ABCB1: variants seen among roughly 807,000 people sequenced by gnomAD.
The protein encoded by ABCB1 is ATP binding cassette subfamily B member 1.
Under a neutral mutation model 142.0 loss-of-function variants are expected in ABCB1, and 69 were observed. The observed-to-expected ratio is 0.49, with a 90% confidence interval of 0.40 to 0.59. The LOEUF is 0.59. Among genes scored for constraint, ABCB1 ranks in the 20% least tolerant of loss-of-function variants. The probability of loss-of-function intolerance (pLI) is 0.00; values close to 1 mark genes in which losing one functional copy is unlikely to be tolerated. For missense variants in ABCB1, 1,326 were observed against 1,554.7 expected, an observed-to-expected ratio of 0.85 and a Z score of 2.47; for synonymous variants, 532 against 539.2, an observed-to-expected ratio of 0.99 and a Z score of 0.18.
At chr7:87,622,830 T>C (rs996241055) in intron 1 of ABCB1, among the ~76,000 whole-genome samples, 1 of 152,112 alleles carries the variant, frequency 6.6e-6, no homozygotes, top group African/African-American at 2.4e-5. Flanking sequence ...CGGGAGTTCA[T>C]GAGCAATCTG....
intron 1 of ABCB1, among the ~76,000 whole-genome samples, chr7:87,639,372 A>G (rs565228460): frequency 1.3e-5 from 2 of 152,232 alleles, no homozygotes; most frequent in Admixed American, 1.3e-4. Flanking sequence ...GTATTCTGTC[A>G]TTGTTGATTG....
At position 87,679,924 on chromosome 7, in the gene ABCB1, A is replaced by G. The variant is rs567451687; in HGVS notation, c.-331+33237T>C. On this transcript the variant is annotated intron_variant, in intron 1 of 28. Transcript: ENST00000265724. Reference sequence around the variant, plus strand: ...CAAATGTTTGAAAATGTAAAAATACACTTTTTTAAACAAATTATACTTTAC... The same window carrying G: ...CAAATGTTTGAAAATGTAAAAATACGCTTTTTTAAACAAATTATACTTTAC... Among the ~76,000 whole-genome samples, 4 of 150,634 alleles carry G rather than the reference A, an allele frequency of 2.7e-5. No individual in the cohort carries two copies. In the South Asian group the frequency reaches 8.4e-4, roughly 31 times the overall value.
chr7:87,537,927 A>C (rs1816366847), intron 19 of ABCB1, among the ~76,000 whole-genome samples: 3 of 152,170 alleles, frequency 2.0e-5, no homozygotes, highest in Admixed American at 2.0e-4. Flanking sequence ...ATTTTTCCCA[A>C]AAATATTTAA....
At chr7:87,555,280 C>T (rs572567099) in intron 8 of ABCB1, among the ~76,000 whole-genome samples, 5 of 152,132 alleles carry the variant, frequency 3.3e-5, no homozygotes, top group Admixed American at 6.5e-5. Context: ...CCTGCAGAAC[C>T]TAGAGCATTG....
chr7:87,699,645 A>T (rs1828837298), intron 1 of ABCB1, among the ~76,000 whole-genome samples: 1 of 152,206 alleles, frequency 6.6e-6, no homozygotes. Context: ...GCCTCAGGTG[A>T]TCCACCCACC....
At chr7:87,616,849 G>C (rs1373385515) in intron 1 of ABCB1, among the ~76,000 whole-genome samples, 1 of 152,004 alleles carries the variant, frequency 6.6e-6, no homozygotes, top group African/African-American at 2.4e-5. Context: ...GAGACCAACT[G>C]GTCTCTTCTC....
intron 1 of ABCB1, among the ~76,000 whole-genome samples, chr7:87,661,491 G>A (rs1038322654): frequency 6.7e-6 from 1 of 150,304 alleles, no homozygotes; most frequent in African/African-American, 2.5e-5. Context: ...TTAATTTTTA[G>A]TTCCCACAAA....
chr7:87,572,086 C>T (rs748868823), intron 4 of ABCB1, among the ~76,000 whole-genome samples: 6 of 152,284 alleles, frequency 3.9e-5, no homozygotes, highest in Non-Finnish European at 7.4e-5. Flanking sequence ...TTCTGCTCCA[C>T]GTTTTCAAAA....
chr7:87,610,444 T>C (rs995739777), intron 1 of ABCB1, among the ~76,000 whole-genome samples: 9 of 145,666 alleles, frequency 6.2e-5, no homozygotes, highest in African/African-American at 2.1e-4. Context: ...TCTGCCTGTG[T>C]AGCCCAGGCT....
chr7:87,516,198 A>T (rs1001290602), intron 24 of ABCB1, among the ~76,000 whole-genome samples: 20 of 152,096 alleles, frequency 1.3e-4, no homozygotes, highest in African/African-American at 4.8e-4. Context: ...GTGAGCTATG[A>T]TCATACTGCT....
chr7:87,638,006 T>A (rs1821973547), intron 1 of ABCB1, among the ~76,000 whole-genome samples: 1 of 152,156 alleles, frequency 6.6e-6, no homozygotes, highest in African/African-American at 2.4e-5. Flanking sequence ...TCCCTTCTAT[T>A]TCTAAATTGC....
chr7:87,677,119 C>T (rs945462452), intron 1 of ABCB1, among the ~76,000 whole-genome samples: 1 of 152,062 alleles, frequency 6.6e-6, no homozygotes, highest in African/African-American at 2.4e-5. Context: ...AGCAGTTCTA[C>T]TTCTGGGTTA....
intron 2 of ABCB1, among the ~76,000 whole-genome samples, chr7:87,598,235 A>G (rs1289624961): frequency 6.6e-6 from 1 of 152,186 alleles, no homozygotes; most frequent in Non-Finnish European, 1.5e-5. Context: ...TTCATTTTTT[A>G]CTGTTGCTAC....
chr7:87,658,250 C>T (rs1013377673), intron 1 of ABCB1, among the ~76,000 whole-genome samples: 1 of 152,058 alleles, frequency 6.6e-6, no homozygotes, highest in African/African-American at 2.4e-5. Flanking sequence ...AAATATGAAA[C>T]TGAAAAAGTT....
intron 8 of ABCB1, among the ~76,000 whole-genome samples, chr7:87,556,542 G>A (rs1241520434): frequency 6.6e-6 from 1 of 152,148 alleles, no homozygotes; most frequent in Non-Finnish European, 1.5e-5. Context: ...AACTGATTAT[G>A]TCTGGTCTAA....
intron 15 of ABCB1, 121 bp from the exon 16 acceptor site, chr7:87,545,120 A>G (rs1230629151): frequency 9.4e-6 from 8 of 851,792 alleles, no homozygotes; most frequent in Non-Finnish European, 1.5e-5. Flanking sequence ...AGAAAAGGAT[A>G]AAGCTAATCT....
intron 1 of ABCB1, chr7:87,627,561 A>C (rs997214387): frequency 3.9e-5 from 6 of 152,364 alleles, no homozygotes; most frequent in Non-Finnish European, 5.9e-5. Flanking sequence ...CAGCAGGCGT[A>C]GGTGAGTGTC....
chr7:87,561,034 T>C (rs149423364), intron 8 of ABCB1, among the ~76,000 whole-genome samples: 3 of 152,348 alleles, frequency 2.0e-5, no homozygotes, highest in Admixed American at 2.0e-4. Context: ...TTGGAAACTA[T>C]TTTTATGTTA....
At chr7:87,546,992 T>C (rs879404918) in intron 14 of ABCB1, among the ~76,000 whole-genome samples, 5 of 152,220 alleles carry the variant, frequency 3.3e-5, no homozygotes, top group Non-Finnish European at 7.3e-5. Flanking sequence ...TACTTATTCC[T>C]AGGTTGAAGA....
Sources: allele counts gnomAD v4.1 joint callset (sites outside exome capture counted in the v4.1 genomes callset), GRCh38; gene constraint gnomAD v4.1.1; transcripts MANE v1.5; gene names NCBI Gene and HGNC (gene_info 2026-07-23, HGNC 2026-07-21).